The following NAALADL2 variants were observed in gnomAD, a reference collection of about 807,000 sequenced individuals.
NAALADL2 encodes the protein N-acetylated alpha-linked acidic dipeptidase like 2.
In NAALADL2, 76 loss-of-function variants were observed where a neutral mutation model predicts 87.2. That is an observed-to-expected ratio of 0.87 (90% CI 0.72 to 1.05). The LOEUF is 1.05. Ranked by LOEUF, NAALADL2 falls within the 50% of genes least tolerant of loss-of-function variation. NAALADL2 has a pLI of 0.00. For missense variants in NAALADL2, 1,089 were observed against 945.8 expected (o/e 1.15, Z -1.99); for synonymous variants, 354 against 331.0 (o/e 1.07, Z -0.75).
chr3:174,911,287 T>G (rs560742146), intron 1 of NAALADL2, among the ~76,000 whole-genome samples: 37 of 152,262 alleles, frequency 2.4e-4, no homozygotes, highest in South Asian at 1.5e-3. Context: ...AGTGACTGAT[T>G]CATAAGGGTA....
Position 175,163,534 on chromosome 3 carries a change from G to A in NAALADL2, c.545+66243G>A, listed in dbSNP as rs146180073. 2.3e-3 allele frequency among the ~76,000 whole-genome samples: 357 copies of A among 152,028 alleles called. 4 individuals are homozygous for A. Among genetic ancestry groups the A allele is most frequent in the South Asian group, 6.9e-3 (33 of 4,814 alleles). ...AGGGGAAACAGGACTAAGGATAAGCGTGAAAACCATAATATTCTACCTATG... is the reference window on the plus strand; with the variant it reads ...AGGGGAAACAGGACTAAGGATAAGCATGAAAACCATAATATTCTACCTATG... On this transcript the variant is annotated intron_variant, in intron 2 of 13. Transcript: ENST00000454872.
intron 1 of NAALADL2, among the ~76,000 whole-genome samples, chr3:175,072,804 A>G (rs530231621): frequency 6.6e-6 from 1 of 151,822 alleles, no homozygotes; most frequent in Non-Finnish European, 1.5e-5. Context: ...AAACCTGCAC[A>G]TTGTGCACAT....
chr3:174,913,201 T>C (rs1427158157), intron 1 of NAALADL2, among the ~76,000 whole-genome samples: 1 of 152,162 alleles, frequency 6.6e-6, no homozygotes, highest in Non-Finnish European at 1.5e-5. Flanking sequence ...CGACTTGTCT[T>C]ACCAACTAGT....
At chr3:175,737,468 G>C in intron 12 of NAALADL2, 69 bp downstream of exon 12, 1 of 927,040 alleles carries the variant, frequency 1.1e-6, no homozygotes, top group Admixed American at 1.8e-5. Flanking sequence ...AACAAGGAAT[G>C]GATGAAGTCA....
chr3:174,811,652 T>C (rs370594635), intron 3 of NAALADL2, among the ~76,000 whole-genome samples: 34 of 152,212 alleles, frequency 2.2e-4, no homozygotes, highest in African/African-American at 7.7e-4. Context: ...AGATGAGACT[T>C]TGGACTTTTG....
intron 2 of NAALADL2, among the ~76,000 whole-genome samples, chr3:175,111,827 G>A (rs1363269580): frequency 1.3e-5 from 2 of 151,534 alleles, no homozygotes; most frequent in African/African-American, 2.4e-5. Context: ...TTTGGTACGG[G>A]CATTTCATGT....
chr3:174,859,314 C>A (rs761498634), upstream of NAALADL2: 9 of 886,616 alleles, frequency 1.0e-5, no homozygotes, highest in Non-Finnish European at 1.7e-5. Context: ...TATACTGTTA[C>A]AATACTACAG....
intron 2 of NAALADL2, among the ~76,000 whole-genome samples, chr3:174,557,120 T>C (rs763429576): frequency 6.6e-6 from 1 of 152,220 alleles, no homozygotes; most frequent in African/African-American, 2.4e-5. Flanking sequence ...TAAAGCTGTG[T>C]ATTTTTATAT....
At chr3:174,842,338 AC>A (rs1164145431) in intron 3 of NAALADL2, among the ~76,000 whole-genome samples, 7 of 152,318 alleles carry the variant, frequency 4.6e-5, no homozygotes, top group African/African-American at 1.2e-4. Context: ...GGTGTGAGCC[AC>A]TGCACCTGGC....
chr3:175,009,052 T>C (rs572833576), intron 1 of NAALADL2, among the ~76,000 whole-genome samples: 1 of 152,316 alleles, frequency 6.6e-6, no homozygotes, highest in South Asian at 2.1e-4. Context: ...TGATAAATTT[T>C]ATCTTTCTAG....
chr3:175,061,593 A>T lies in NAALADL2; in HGVS notation c.44-35197A>T, dbSNP rs556895664. On this transcript the variant is annotated intron_variant, in intron 1 of 13. Transcript: ENST00000454872. Reference sequence around the variant, plus strand: ...GGAGAAAGTAAGTGGAAAGAAGGATATAGCAGTGTCCAAATTTGAATCAAA... The same window carrying T: ...GGAGAAAGTAAGTGGAAAGAAGGATTTAGCAGTGTCCAAATTTGAATCAAA... Among the ~76,000 whole-genome samples the T allele has an allele frequency of 2.7e-3, 404 of 152,242 alleles. 2 individuals carry two copies. The highest frequency in any genetic ancestry group is 9.3e-3 in the African/African-American group (387 of 41,570).
chr3:174,549,653 G>A (rs1367503357), intron 1 of NAALADL2, among the ~76,000 whole-genome samples: 3 of 152,144 alleles, frequency 2.0e-5, no homozygotes, highest in African/African-American at 7.2e-5. Context: ...CAGTAATGAT[G>A]TTTTAAAATG....
At chr3:175,098,524 C>G (rs1560024252) in intron 2 of NAALADL2, among the ~76,000 whole-genome samples, 1 of 152,102 alleles carries the variant, frequency 6.6e-6, no homozygotes, top group Non-Finnish European at 1.5e-5. Context: ...ATAACCTCAG[C>G]TGGAGACACC....
intron 1 of NAALADL2, among the ~76,000 whole-genome samples, chr3:174,522,612 C>T (rs1002500119): frequency 6.6e-6 from 1 of 151,914 alleles, no homozygotes; most frequent in Non-Finnish European, 1.5e-5. Context: ...GCAGTCCAGC[C>T]TGGGCGACAG....
intron 4 of NAALADL2, among the ~76,000 whole-genome samples, chr3:175,271,765 T>C (rs1369100902): frequency 1.3e-5 from 2 of 152,174 alleles, no homozygotes; most frequent in African/African-American, 4.8e-5. Context: ...ACTGCACTCC[T>C]GCCTGGGTGA....
At chr3:174,509,004 A>G (rs1434474310) in intron 1 of NAALADL2, among the ~76,000 whole-genome samples, 1 of 152,098 alleles carries the variant, frequency 6.6e-6, no homozygotes, top group Non-Finnish European at 1.5e-5. Context: ...TAGTTATAGT[A>G]TCTTCGTGTG....
intron 3 of NAALADL2, among the ~76,000 whole-genome samples, chr3:174,738,711 G>A (rs1733467211): frequency 6.6e-6 from 1 of 152,144 alleles, no homozygotes; most frequent in Non-Finnish European, 1.5e-5. Context: ...CATGTCTATA[G>A]AATTTTGTTA....
chr3:175,411,623 A>C (rs1380604937), intron 5 of NAALADL2, among the ~76,000 whole-genome samples: 1 of 152,178 alleles, frequency 6.6e-6, no homozygotes. Context: ...AGAGTGATTC[A>C]TGTGAAGAAA....
chr3:174,957,271 A>G (rs887557642), intron 1 of NAALADL2, among the ~76,000 whole-genome samples: 1 of 151,970 alleles, frequency 6.6e-6, no homozygotes, highest in African/African-American at 2.4e-5. Context: ...CCCTACTGCA[A>G]GAAGGGGAGA....
Sources: allele counts gnomAD v4.1 joint callset (sites outside exome capture counted in the v4.1 genomes callset), GRCh38; gene constraint gnomAD v4.1.1; transcripts MANE v1.5; gene names NCBI Gene and HGNC (gene_info 2026-07-23, HGNC 2026-07-21).